Variants in RFTN1 observed in about 807,000 individuals in gnomAD.
RFTN1 encodes the protein raftlin.
A neutral mutation model predicts 46.5 loss-of-function variants in RFTN1; 26 were observed. That is an observed-to-expected ratio of 0.56 (90% CI 0.41 to 0.78). RFTN1 has a LOEUF of 0.78. Among genes scored for constraint, RFTN1 ranks in the 30% least tolerant of loss-of-function variants. The pLI, the probability that RFTN1 is intolerant of heterozygous loss-of-function variation, is 0.00. For missense variants in RFTN1, 693 were observed against 718.7 expected (o/e 0.96, Z 0.41); for synonymous variants, 261 against 284.2 (o/e 0.92, Z 0.82).
rs1184203017 is a variant in RFTN1 at position 16,391,875 on chromosome 3, TTTTTTTGTTTTTTTTTTTG to T, written c.442-13792_442-13774del. ...GTGCAAAGGTTTTTTTTTTGTTTTT[TTTTTTTGTTTTTTTTTTTG>T]TTTTTTTTACGGGGAAGAAAGCTAA... On this transcript the variant is annotated intron_variant, in intron 4 of 9. Transcript: ENST00000334133. Among the ~76,000 whole-genome samples, 80 of 22,072 alleles carry T rather than the reference TTTTTTTGTTTTTTTTTTTG, an allele frequency of 3.6e-3. 21 individuals carry two copies. Among genetic ancestry groups the T allele is most frequent in the Admixed American group, 6.5e-3 (12 of 1,834 alleles). 14.5% of individuals were successfully genotyped at this position (22,072 alleles called of 152,430 possible). A position where few individuals can be genotyped will look rare whatever the true frequency, so the allele number is the denominator to read the frequency against.
chr3:16,413,500 G>A lies in RFTN1; in HGVS notation c.333-4017C>T, dbSNP rs925633960. ...ATGCTCCCCAAAGGGCCATGTCATT[G>A]TATCATCCTGGAAAAGAATATGGGA... On this transcript the variant is annotated intron_variant, in intron 3 of 9. Coordinates refer to ENST00000334133, the MANE Select transcript of RFTN1 (RefSeq NM_015150.2). The surrounding 1 kb of genome is among the most constrained non-coding windows in gnomAD (Gnocchi z 4.7). Among the ~76,000 whole-genome samples the A allele has an allele frequency of 1.3e-5, 2 of 152,210 alleles. No individual in the cohort carries two copies. The highest frequency in any genetic ancestry group is 4.8e-5 in the African/African-American group (2 of 41,450).
chr3:16,510,689 T>A (rs2076883207), intron 1 of RFTN1, among the ~76,000 whole-genome samples: 1 of 152,308 alleles, frequency 6.6e-6, no homozygotes, highest in African/African-American at 2.4e-5. Flanking sequence ...TGTAAAATGG[T>A]ATAACCATGT....
chr3:16,454,554 G>A lies in RFTN1; in HGVS notation c.146-20517C>T, dbSNP rs114368240. 1.3e-3 allele frequency among the ~76,000 whole-genome samples: 195 copies of A among 152,328 alleles called. 1 individual carries two copies. Among genetic ancestry groups the A allele is most frequent in the African/African-American group, 4.4e-3 (182 of 41,572 alleles). ...CTGTGAAGCCAAGGGTGAGCTCACT[G>A]GGAAACAGTTCCCAATCAATTCATA... On this transcript the variant is annotated intron_variant, in intron 2 of 9. Coordinates refer to ENST00000334133, the MANE Select transcript of RFTN1 (RefSeq NM_015150.2).
At chr3:16,349,932 C>T (rs1245082651) in intron 7 of RFTN1, 2 of 152,266 alleles carry the variant, frequency 1.3e-5, no homozygotes, top group Admixed American at 6.5e-5. Flanking sequence ...ATTCCTTCCT[C>T]TTCCGGGATC....
chr3:16,355,403 T>C (rs1455187634), intron 7 of RFTN1, among the ~76,000 whole-genome samples: 1 of 152,260 alleles, frequency 6.6e-6, no homozygotes, highest in Non-Finnish European at 1.5e-5. Flanking sequence ...ATCTTGACAC[T>C]GACCAACAGG....
In RFTN1 at chr3:16,434,110, C is replaced by T. The variant is rs2075449935; in HGVS notation, c.146-73G>A. 4 of 1,330,432 alleles carry T rather than the reference C, an allele frequency of 3.0e-6. No individual in the cohort carries two copies. The East Asian group carries it at 7.5e-5, about 25-fold the overall frequency. The allele number at this position is 1,330,432 out of a possible 1,614,324, so 82.4% of individuals were successfully genotyped here. On this transcript the variant is annotated intron_variant, in intron 2 of 9. Coordinates refer to ENST00000334133, the MANE Select transcript of RFTN1 (RefSeq NM_015150.2). ...ACTCAGCCCTGCCCAAACCCCTCTTCCCTTGCCCTCGGGGAGGATCCTCTA... is the reference window on the plus strand; with the variant it reads ...ACTCAGCCCTGCCCAAACCCCTCTTTCCTTGCCCTCGGGGAGGATCCTCTA...
rs929836738 is a variant in RFTN1, at chr3:16,338,762, T to C, written c.1147-11886A>G. On this transcript the variant is annotated intron_variant, in intron 7 of 9. Transcript: ENST00000334133. This position sits in a 1 kb window ranked among gnomAD's most constrained non-coding sequence, Gnocchi z 5.3. ...CCCTTCTTTCTGATTTTTCACCTTA[T>C]GTATTACCTAGAAAAGAGAAAAGGG... 6.6e-6 allele frequency among the ~76,000 whole-genome samples: 1 copy of C among 152,300 alleles called. No individual in the cohort carries two copies. Among genetic ancestry groups the C allele is most frequent in the East Asian group, 1.9e-4 (1 of 5,188 alleles).
In RFTN1 at chr3:16,493,791, G is replaced by C. The variant is rs199593847; in HGVS notation, c.79C>G (p.Gln27Glu). Residue 27 changes from glutamine to glutamate, a missense_variant, in exon 2 of 10, where the codon CAG becomes GAG. Gln to Glu is a conservative substitution (Grantham distance 29, BLOSUM62 2). Coordinates refer to ENST00000334133, the MANE Select transcript of RFTN1 (RefSeq NM_015150.2). ...GACACATCTATCTTGGTTTCCACCTGAGGCCTCTTCAAAGTTGAATAAATA... is the reference window on the plus strand; with the variant it reads ...GACACATCTATCTTGGTTTCCACCTCAGGCCTCTTCAAAGTTGAATAAATA... Reference protein sequence around the residue: ...GNIYSTLKRPQVETKIDVSYE... With the variant: ...GNIYSTLKRPEVETKIDVSYE... 6.2e-7 allele frequency: 1 copy of C among 1,613,924 alleles called. No homozygotes were observed. The highest frequency in any genetic ancestry group is 8.5e-7 in the Non-Finnish European group (1 of 1,180,022).
chr3:16,420,423 C>T (rs1370250656), intron 3 of RFTN1, among the ~76,000 whole-genome samples: 1 of 152,210 alleles, frequency 6.6e-6, no homozygotes, highest in African/African-American at 2.4e-5. Context: ...AGAAAAGTCA[C>T]ATATCTGCAA....
At chr3:16,491,634 C>T (rs1484479896) in intron 2 of RFTN1, among the ~76,000 whole-genome samples, 1 of 151,992 alleles carries the variant, frequency 6.6e-6, no homozygotes, top group East Asian at 1.9e-4. Context: ...ATTCAGAGAC[C>T]AGCTATGAAG....
At chr3:16,456,204 G>A (rs995821700) in intron 2 of RFTN1, among the ~76,000 whole-genome samples, 6 of 152,146 alleles carry the variant, frequency 3.9e-5, no homozygotes, top group African/African-American at 7.2e-5. Flanking sequence ...GAATGCAGCC[G>A]GGTTCTAATC....
At position 16,411,481 on chromosome 3, in the gene RFTN1, C is replaced by T. The variant is rs374940511; in HGVS notation, c.333-1998G>A. 1.9e-4 allele frequency among the ~76,000 whole-genome samples: 29 copies of T among 152,212 alleles called. No homozygotes were observed. The East Asian group carries it at 2.5e-3, about 13-fold the overall frequency. On this transcript the variant is annotated intron_variant, in intron 3 of 9. Transcript: ENST00000334133. ...CCCTTCCAAGGGTAGGGTACTGTGG[C>T]GCATACATTCAAAATGTAAAACAAT...
At chr3:16,318,135 T>A (rs1408205694) in intron 9 of RFTN1, among the ~76,000 whole-genome samples, 1 of 152,000 alleles carries the variant, frequency 6.6e-6, no homozygotes, top group Non-Finnish European at 1.5e-5. Context: ...AACCAGGGTC[T>A]CATCAAATCT....
In RFTN1 at chr3:16,434,027, A is replaced by C; in HGVS notation, c.156T>G (p.Pro52=). 6.3e-7 allele frequency: 1 copy of C among 1,599,458 alleles called. No homozygotes were observed. Among genetic ancestry groups the C allele is most frequent in the South Asian group, 1.1e-5 (1 of 88,944 alleles). The change falls in exon 3 of 10, where the codon CCT becomes CCG. Residue 52 remains proline (P), a synonymous_variant. Transcript: ENST00000334133. ...AGGCCAGCCTCACTGCTGAGGACCC[A>C]GGGAGCTCCGCTGGAGTGGAGAGAG... ...EFTTLSAAEL[P]GSSAVRLASL...
rs1216776582 is a variant in RFTN1, at chr3:16,450,027, A to G, written c.146-15990T>C. Among the ~76,000 whole-genome samples the G allele has an allele frequency of 6.6e-6, 1 of 152,184 alleles. No homozygotes were observed. Among genetic ancestry groups the G allele is most frequent in the African/African-American group, 2.4e-5 (1 of 41,440 alleles). ...TGCGGCAGGAATACATTAAGGACATAGCACACAAAGCAAAGGCAGAAGACA... is the reference window on the plus strand; with the variant it reads ...TGCGGCAGGAATACATTAAGGACATGGCACACAAAGCAAAGGCAGAAGACA... On this transcript the variant is annotated intron_variant, in intron 2 of 9. Transcript: ENST00000334133. The surrounding 1 kb of genome is among the most constrained non-coding windows in gnomAD (Gnocchi z 4.6).
At chr3:16,347,053 C>A (rs1159118969) in intron 7 of RFTN1, among the ~76,000 whole-genome samples, 1 of 152,216 alleles carries the variant, frequency 6.6e-6, no homozygotes, top group Non-Finnish European at 1.5e-5. Context: ...TGACCACCAC[C>A]CTTATTCTAT....
chr3:16,433,717 A>G lies in RFTN1; in HGVS notation c.332+134T>C. 1.2e-6 allele frequency: 1 copy of G among 864,624 alleles called. No individual in the cohort carries two copies. The highest frequency in any genetic ancestry group is 1.9e-6 in the Non-Finnish European group (1 of 533,182). The allele number at this position is 864,624 out of a possible 1,614,324, so 53.6% of individuals were successfully genotyped here. A position where few individuals can be genotyped will look rare whatever the true frequency, so the allele number is the denominator to read the frequency against. On this transcript the variant is annotated intron_variant, in intron 3 of 9. Coordinates refer to ENST00000334133, the MANE Select transcript of RFTN1 (RefSeq NM_015150.2). The surrounding 1 kb of genome is among the most constrained non-coding windows in gnomAD (Gnocchi z 4.4). ...CTCTGGTTGTCTAACTGTTTGCCTC[A>G]CCTGTCTGAGGGCTGAGGCCCTGAG...
chr3:16,396,061 A>G (rs1200265446), intron 4 of RFTN1, among the ~76,000 whole-genome samples: 1 of 152,222 alleles, frequency 6.6e-6, no homozygotes, highest in Non-Finnish European at 1.5e-5. Flanking sequence ...GATTTAAAAT[A>G]TACATAGATG....
rs1281622655 is a variant in RFTN1 at position 16,338,226 on chromosome 3, T to C, written c.1147-11350A>G. On this transcript the variant is annotated intron_variant, in intron 7 of 9. Coordinates refer to ENST00000334133, the MANE Select transcript of RFTN1 (RefSeq NM_015150.2). This position sits in a 1 kb window ranked among gnomAD's most constrained non-coding sequence, Gnocchi z 5.3. Reference sequence around the variant, plus strand: ...GGCAGGAGATGGCATGCATCCTTATTATCAGGGGTGTCTGCCCACACACAC... The same window carrying C: ...GGCAGGAGATGGCATGCATCCTTATCATCAGGGGTGTCTGCCCACACACAC... 3.3e-5 allele frequency among the ~76,000 whole-genome samples: 5 copies of C among 152,210 alleles called. No individual in the cohort carries two copies. The highest frequency in any genetic ancestry group is 1.9e-4 in the East Asian group (1 of 5,200).
Sources: allele counts gnomAD v4.1 joint callset (sites outside exome capture counted in the v4.1 genomes callset), GRCh38; gene constraint gnomAD v4.1.1; non-coding constraint Gnocchi (gnomAD v3.1); transcripts MANE v1.5; gene names NCBI Gene and HGNC (gene_info 2026-07-23, HGNC 2026-07-21).